The following ELAVL2 variants were observed in gnomAD, a reference collection of about 807,000 sequenced individuals.
The protein encoded by ELAVL2 is ELAV-like protein 2.
ELAVL2 carries 4 observed loss-of-function variants against 34.6 expected under a neutral mutation model. That is an observed-to-expected ratio of 0.12 (90% CI 0.06 to 0.26). The LOEUF (loss-of-function observed/expected upper bound fraction) is 0.26. ELAVL2 is among the 10% of genes least tolerant of loss of function. The pLI is 1.00. For missense variants in ELAVL2, 432 were observed against 442.8 expected (o/e 0.98, Z 0.22); for synonymous variants, 193 against 154.8 (o/e 1.25, Z -1.83).
intron 3 of ELAVL2, among the ~76,000 whole-genome samples, chr9:23,721,841 C>T (rs918843403): frequency 2.6e-5 from 4 of 152,138 alleles, no homozygotes; most frequent in African/African-American, 7.2e-5. Context: ...ATTGTAATAA[C>T]ACATAATATG....
chr9:23,706,262 C>G (rs1156471342), intron 3 of ELAVL2, among the ~76,000 whole-genome samples: 3 of 152,206 alleles, frequency 2.0e-5, no homozygotes, highest in Non-Finnish European at 2.9e-5. Context: ...TGTTTATAAT[C>G]ATCATTCCTC....
intron 3 of ELAVL2, among the ~76,000 whole-genome samples, chr9:23,713,114 A>G (rs1054695680): frequency 6.6e-6 from 1 of 152,194 alleles, no homozygotes; most frequent in African/African-American, 2.4e-5. Context: ...TTTTTAGTAA[A>G]GTACAACTGG....
chr9:23,747,811 G>A lies in ELAVL2; in HGVS notation c.229+14195C>T, dbSNP rs563594190. On this transcript the variant is annotated intron_variant, in intron 2 of 6. Coordinates refer to ENST00000397312, the MANE Select transcript of ELAVL2 (RefSeq NM_004432.5). ...TTTCAGTTGTCAATAGCCAACGTCT[G>A]AAAATAAATCCAGTCACTAAGTGTG... Among the ~76,000 whole-genome samples, 6 of 152,266 alleles carry A rather than the reference G, an allele frequency of 3.9e-5. No homozygotes were observed. The East Asian group carries it at 5.8e-4, about 15-fold the overall frequency.
intron 3 of ELAVL2, among the ~76,000 whole-genome samples, chr9:23,718,636 GC>G (rs1396893679): frequency 6.6e-6 from 1 of 152,182 alleles, no homozygotes; most frequent in East Asian, 1.9e-4. Flanking sequence ...TCCCCACAGA[GC>G]CAAAGGAAGT....
intron 2 of ELAVL2, among the ~76,000 whole-genome samples, chr9:23,743,780 T>C (rs934574968): frequency 1.3e-5 from 2 of 152,190 alleles, no homozygotes; most frequent in Non-Finnish European, 2.9e-5. Context: ...TCAATTTTAA[T>C]TCATCTTAAA....
intron 2 of ELAVL2, among the ~76,000 whole-genome samples, chr9:23,750,215 A>G (rs888803172): frequency 3.9e-5 from 6 of 152,142 alleles, no homozygotes; most frequent in Non-Finnish European, 7.4e-5. Context: ...TCTACTTTTA[A>G]GTAGCACATC....
chr9:23,817,668 TAA>T (rs921457320), intron 1 of ELAVL2, among the ~76,000 whole-genome samples: 1 of 151,936 alleles, frequency 6.6e-6, no homozygotes, highest in Non-Finnish European at 1.5e-5. Flanking sequence ...AGCTTAGAGA[TAA>T]AAAAAATTCT....
intron 1 of ELAVL2, among the ~76,000 whole-genome samples, chr9:23,768,320 C>G (rs184646750): frequency 6.6e-6 from 1 of 152,132 alleles, no homozygotes; most frequent in African/African-American, 2.4e-5. Flanking sequence ...TCCAAACCCA[C>G]CCCATCTCCA....
chr9:23,811,556 G>C (rs767962681), intron 1 of ELAVL2, among the ~76,000 whole-genome samples: 7 of 152,184 alleles, frequency 4.6e-5, no homozygotes, highest in Non-Finnish European at 8.8e-5. Flanking sequence ...CTTGCTTCTT[G>C]CTCCTGCAAC....
chr9:23,764,452 A>T (rs1171196164), intron 1 of ELAVL2, among the ~76,000 whole-genome samples: 1 of 152,164 alleles, frequency 6.6e-6, no homozygotes, highest in Non-Finnish European at 1.5e-5. Flanking sequence ...TCTCTCTGCT[A>T]TAGGACCATC....
intron 1 of ELAVL2, among the ~76,000 whole-genome samples, chr9:23,802,502 C>T (rs2061688032): frequency 6.6e-6 from 1 of 152,116 alleles, no homozygotes; most frequent in Non-Finnish European, 1.5e-5. Context: ...TAAATTTACC[C>T]CTCCCCTAGA....
upstream of ELAVL2, among the ~76,000 whole-genome samples, chr9:23,830,601 T>TACACACACACACAC (rs10525135): frequency 0.01 from 1,347 of 133,142 alleles, 14 homozygotes; most frequent in African/African-American, 0.016. Context: ...GCCCCCCACT[T>TACACACACACACAC]ACACACACAC....
chr9:23,818,272 C>G (rs1197125423), intron 1 of ELAVL2, among the ~76,000 whole-genome samples: 1 of 152,142 alleles, frequency 6.6e-6, no homozygotes, highest in Non-Finnish European at 1.5e-5. Context: ...AGCAGCAATA[C>G]TGACAGCTAA....
At position 23,701,448 on chromosome 9, in the gene ELAVL2, A is replaced by G; in HGVS notation, c.644T>C (p.Leu215Pro). The stretch of plus-strand genomic sequence containing the variant: ...GTTTGGAGACTGGTACAGCTGGGAA[A>G]GGATGGCCTGATTGGTTTTTTGGCT... ...NPSQKTNQAILSQLYQSPNRR... is the reference protein window; with the variant it reads ...NPSQKTNQAIPSQLYQSPNRR... Residue 215 changes from leucine to proline, a missense_variant, in exon 5 of 7, where the codon CTT (leucine) becomes CCT (proline). Around this residue, in one of 3 missense-constraint regions of ELAVL2, gnomAD observed 295 missense variants for 306.1 expected, o/e 0.96. Transcript: ENST00000397312. 1 of 1,614,132 alleles carries G rather than the reference A, an allele frequency of 6.2e-7. No homozygotes were observed. The highest frequency in any genetic ancestry group is 8.5e-7 in the Non-Finnish European group (1 of 1,179,996).
chr9:23,830,624 A>ACACACACACACACACACACT (rs34847005), upstream of ELAVL2, among the ~76,000 whole-genome samples: 1 of 124,074 alleles, frequency 8.1e-6, no homozygotes, highest in Non-Finnish European at 1.8e-5. Flanking sequence ...ACACACACAC[A>ACACACACACACACACACACT]CCTTTTTTTT....
At chr9:23,802,415 C>G (rs987183374) in intron 1 of ELAVL2, among the ~76,000 whole-genome samples, 4 of 152,166 alleles carry the variant, frequency 2.6e-5, no homozygotes, top group Non-Finnish European at 4.4e-5. Flanking sequence ...GTGATAGAAT[C>G]TGGTCATAGC....
At position 23,762,068 on chromosome 9, in the gene ELAVL2, T is replaced by C; in HGVS notation, c.167A>G (p.Lys56Arg). 1 of 1,613,484 alleles carries C rather than the reference T, an allele frequency of 6.2e-7. No individual in the cohort carries two copies. The highest frequency in any genetic ancestry group is 8.5e-7 in the Non-Finnish European group (1 of 1,179,570). ...LPQNMTQEEL[K>R]SLFGSIGEIE... Reference sequence around the variant, plus strand: ...TTCACCAATGCTCCCAAAGAGACTCTTTAGTTCCTCCTGTGTCATGTTCTG... The same window carrying C: ...TTCACCAATGCTCCCAAAGAGACTCCTTAGTTCCTCCTGTGTCATGTTCTG... The change falls in exon 2 of 7, where the codon AAG becomes AGG. Residue 56 changes from lysine to arginine, a missense_variant. Lys to Arg is a conservative substitution (Grantham distance 26). Coordinates refer to ENST00000397312, the MANE Select transcript of ELAVL2 (RefSeq NM_004432.5).
chr9:23,749,775 A>T (rs1241131707), intron 2 of ELAVL2, among the ~76,000 whole-genome samples: 2 of 152,090 alleles, frequency 1.3e-5, no homozygotes, highest in African/African-American at 4.8e-5. Context: ...CTTTCAGAAA[A>T]GGCTTCTCCA....
chr9:23,810,151 A>C (rs2062787832), intron 1 of ELAVL2, among the ~76,000 whole-genome samples: 1 of 152,136 alleles, frequency 6.6e-6, no homozygotes, highest in South Asian at 2.1e-4. Flanking sequence ...CATCCTAAAA[A>C]AAGCCTGAAG....
Sources: gnomAD v4.1 joint callset for allele counts (sites outside exome capture counted in the v4.1 genomes callset) on GRCh38, gnomAD v4.1.1 for gene constraint, gnomAD v4.1.1 regional missense constraint, MANE v1.5 for transcripts, NCBI Gene and HGNC (gene_info 2026-07-23, HGNC 2026-07-21) for gene names.